The following WDR59 variants were observed in gnomAD, a reference collection of about 807,000 sequenced individuals.
WDR59 encodes GATOR2 complex protein WDR59.
In WDR59, 100 loss-of-function variants were observed where a neutral mutation model predicts 131.2. The observed-to-expected ratio is 0.76, with a 90% CI of 0.65 to 0.90. The LOEUF (loss-of-function observed/expected upper bound fraction) is 0.90. Among genes scored for constraint, WDR59 ranks in the 40% least tolerant of loss-of-function variants. The pLI is 0.00. For missense variants in WDR59, 1,203 were observed against 1,262.2 expected (o/e 0.95, Z 0.71); for synonymous variants, 601 against 466.2 (o/e 1.29, Z -3.72).
At chr16:74,956,713 C>G in intron 2 of WDR59, 103 bp from the exon 3 acceptor site, 1 of 1,389,742 alleles carries the variant, frequency 7.2e-7, no homozygotes, top group Non-Finnish European at 9.8e-7. Context: ...AAGCAGTGCT[C>G]CAAAAAACCC....
intron 2 of WDR59, among the ~76,000 whole-genome samples, chr16:74,965,243 A>G (rs1049941784): frequency 1.4e-5 from 2 of 139,396 alleles, no homozygotes; most frequent in East Asian, 4.5e-4. Context: ...GTTATTAGAA[A>G]AGCAGAGATG....
At chr16:74,892,425 T>G (rs889478303) in intron 20 of WDR59, 59 bp downstream of exon 20, 28 of 1,401,364 alleles carry the variant, frequency 2.0e-5, no homozygotes, top group Non-Finnish European at 2.6e-5. Flanking sequence ...AATGACAAAG[T>G]AAAAACAATT....
intron 17 of WDR59, among the ~76,000 whole-genome samples, chr16:74,907,425 A>T (rs1456041881): frequency 6.6e-6 from 1 of 152,110 alleles, no homozygotes; most frequent in East Asian, 1.9e-4. Context: ...TGATGGTTTT[A>T]TAAGATCTGA....
chr16:74,898,867 G>C (rs761586159), intron 18 of WDR59, among the ~76,000 whole-genome samples: 2 of 152,240 alleles, frequency 1.3e-5, no homozygotes, highest in Non-Finnish European at 2.9e-5. Flanking sequence ...CTTTTGGAAG[G>C]TGGCCCCGTT....
At chr16:74,878,393 C>G (rs1964319331) in intron 25 of WDR59, among the ~76,000 whole-genome samples, 1 of 152,198 alleles carries the variant, frequency 6.6e-6, no homozygotes, top group African/African-American at 2.4e-5. Context: ...GTGGCTCTCG[C>G]CTGTAATCTC....
intron 6 of WDR59, among the ~76,000 whole-genome samples, chr16:74,943,381 T>C (rs747760270): frequency 1.6e-4 from 24 of 152,102 alleles, no homozygotes; most frequent in Non-Finnish European, 3.2e-4. Flanking sequence ...CCATCAGCTA[T>C]GTCAGCCGTG....
chr16:74,879,139 G>GCCC, intron 25 of WDR59, among the ~76,000 whole-genome samples: 1 of 152,144 alleles, frequency 6.6e-6, no homozygotes, highest in East Asian at 1.9e-4. Context: ...TATCGCTTGA[G>GCCC]CCCAGGAGTT....
intron 8 of WDR59, among the ~76,000 whole-genome samples, chr16:74,928,672 C>CG (rs561960986): frequency 6.6e-6 from 1 of 151,996 alleles, no homozygotes; most frequent in Non-Finnish European, 1.5e-5. Context: ...GAGGCCAAGG[C>CG]GGGCAGATCA....
chr16:74,948,108 G>C (rs532187587), intron 6 of WDR59, among the ~76,000 whole-genome samples: 21 of 152,302 alleles, frequency 1.4e-4, no homozygotes, highest in African/African-American at 5.1e-4. Flanking sequence ...GAAGGTGGAG[G>C]TGAAATGGTG....
At chr16:74,927,797 A>C (rs949390271) in intron 8 of WDR59, among the ~76,000 whole-genome samples, 3 of 151,732 alleles carry the variant, frequency 2.0e-5, no homozygotes, top group Admixed American at 6.6e-5. Context: ...TGTTTTTTTC[A>C]AAAGATCGTT....
intron 23 of WDR59, among the ~76,000 whole-genome samples, chr16:74,887,260 C>A (rs1223329901): frequency 6.6e-6 from 1 of 151,008 alleles, no homozygotes; most frequent in East Asian, 1.9e-4. Context: ...TTTTTAAATC[C>A]AGGAAACACA....
At chr16:74,976,394 G>A (rs1030281081) in intron 1 of WDR59, among the ~76,000 whole-genome samples, 2 of 151,048 alleles carry the variant, frequency 1.3e-5, no homozygotes, top group African/African-American at 2.4e-5. Flanking sequence ...AAATATTGAG[G>A]AATTTCTTTA....
chr16:74,902,903 A>G (rs558121383), intron 18 of WDR59, among the ~76,000 whole-genome samples: 2 of 152,046 alleles, frequency 1.3e-5, no homozygotes, highest in African/African-American at 4.8e-5. Flanking sequence ...GAAGGGGACT[A>G]TAGGAAAGTG....
intron 8 of WDR59, among the ~76,000 whole-genome samples, chr16:74,933,120 T>C (rs928389679): frequency 3.3e-5 from 5 of 152,068 alleles, no homozygotes; most frequent in Admixed American, 6.6e-5. Context: ...CTGGGCAACA[T>C]AGCAAGACCC....
chr16:74,927,278 A>G (rs550291840), intron 8 of WDR59, among the ~76,000 whole-genome samples: 1 of 152,314 alleles, frequency 6.6e-6, no homozygotes, highest in African/African-American at 2.4e-5. Context: ...TAAACATAAA[A>G]TGAGAAAACT....
intron 17 of WDR59, among the ~76,000 whole-genome samples, chr16:74,905,962 A>G (rs1965788026): frequency 6.6e-6 from 1 of 152,100 alleles, no homozygotes; most frequent in Non-Finnish European, 1.5e-5. Context: ...CAAATGGTCA[A>G]TATGCACACA....
chr16:74,903,530 A>T (rs1965654712), intron 18 of WDR59, among the ~76,000 whole-genome samples: 1 of 152,216 alleles, frequency 6.6e-6, no homozygotes, highest in Non-Finnish European at 1.5e-5. Flanking sequence ...ATTAACTTTA[A>T]GACTTCTCAC....
intron 1 of WDR59, among the ~76,000 whole-genome samples, chr16:74,980,420 T>TC (rs139370013): frequency 0.082 from 12,288 of 148,952 alleles, 686 homozygotes; most frequent in African/African-American, 0.15. Context: ...AACGGTGCGA[T>TC]TTGGCTCGCT....
intron 1 of WDR59, among the ~76,000 whole-genome samples, chr16:74,974,103 G>A (rs1439536640): frequency 6.6e-6 from 1 of 152,208 alleles, no homozygotes; most frequent in African/African-American, 2.4e-5. Context: ...CCAGGAGGCA[G>A]AGTTTGCAGT....
Sources: allele counts gnomAD v4.1 joint callset (sites outside exome capture counted in the v4.1 genomes callset), GRCh38; gene constraint gnomAD v4.1.1; transcripts MANE v1.5; gene names NCBI Gene and HGNC (gene_info 2026-07-23, HGNC 2026-07-21).